Variants in FLVCR2 observed in about 807,000 individuals in gnomAD.
The protein encoded by FLVCR2 is choline/ethanolamine transporter FLVCR2.
FLVCR2 carries 38 observed loss-of-function variants against 48.9 expected under a neutral mutation model. The observed-to-expected ratio is 0.78, with a 90% CI of 0.60 to 1.02. The LOEUF (loss-of-function observed/expected upper bound fraction) is 1.02. Ranked by LOEUF, FLVCR2 falls within the 50% of genes least tolerant of loss-of-function variation. The pLI is 0.00. For synonymous variants in FLVCR2, 255 were observed against 257.0 expected, an observed-to-expected ratio of 0.99 and a Z score of 0.07; for missense variants, 664 against 663.3, an observed-to-expected ratio of 1.00 and a Z score of -0.01.
At chr14:75,599,813 G>T (rs1889119665) in intron 1 of FLVCR2, among the ~76,000 whole-genome samples, 2 of 152,300 alleles carry the variant, frequency 1.3e-5, no homozygotes, top group African/African-American at 4.8e-5. Flanking sequence ...TTGTGTATGT[G>T]GTCAAATGAT....
chr14:75,609,905 A>AGATGGG (rs1287760995), intron 1 of FLVCR2, among the ~76,000 whole-genome samples: 1 of 145,090 alleles, frequency 6.9e-6, no homozygotes, highest in Non-Finnish European at 1.5e-5. Flanking sequence ...TGGGGGGGAT[A>AGATGGG]GATGGGGGGT....
intron 6 of FLVCR2, 116 bp downstream of exon 6, chr14:75,639,578 A>G (rs1890257382): frequency 1.3e-6 from 1 of 769,300 alleles, no homozygotes; most frequent in Admixed American, 2.0e-5. Context: ...ACCTCAGGAG[A>G]TATGGACATG....
At chr14:75,590,906 A>G (rs1888862767) in intron 1 of FLVCR2, among the ~76,000 whole-genome samples, 1 of 152,380 alleles carries the variant, frequency 6.6e-6, no homozygotes, top group Non-Finnish European at 1.5e-5. Context: ...ATGGAATAAT[A>G]CACTTGTTTC....
At chr14:75,582,457 G>A (rs1332436174) in intron 1 of FLVCR2, among the ~76,000 whole-genome samples, 5 of 152,190 alleles carry the variant, frequency 3.3e-5, no homozygotes. Context: ...ATAGATTTTG[G>A]AAGTTATGAG....
chr14:75,587,429 A>C (rs1259241990), intron 1 of FLVCR2, among the ~76,000 whole-genome samples: 4 of 152,108 alleles, frequency 2.6e-5, no homozygotes, highest in Non-Finnish European at 5.9e-5. Context: ...AGGGCCTAAC[A>C]CTTGTCTTCT....
At chr14:75,631,115 A>G (rs1890027599) in intron 3 of FLVCR2, among the ~76,000 whole-genome samples, 1 of 152,296 alleles carries the variant, frequency 6.6e-6, no homozygotes, top group African/African-American at 2.4e-5. Context: ...AAGCTCCTAA[A>G]TCCTCTAAGG....
Position 75,578,790 on chromosome 14 carries a change from G to T in FLVCR2, c.-183G>T. The T allele has an allele frequency of 1.6e-6, 1 of 636,612 alleles. No individual in the cohort carries two copies. Among genetic ancestry groups the T allele is most frequent in the South Asian group, 1.9e-5 (1 of 52,690 alleles). 39.4% of individuals were successfully genotyped at this position (636,612 alleles called of 1,614,324 possible). ...CAACAGAGAGCCCCAAGCAAAAGTG[G>T]GAGCAGGAGCTTGGAGGTGAGCACA... On this transcript the variant is annotated 5_prime_UTR_variant, in exon 1 of 10. Coordinates refer to ENST00000238667, the MANE Select transcript of FLVCR2 (RefSeq NM_017791.3).
chr14:75,619,544 T>C (rs1227816893), intron 1 of FLVCR2, among the ~76,000 whole-genome samples: 2 of 151,966 alleles, frequency 1.3e-5, no homozygotes, highest in Non-Finnish European at 2.9e-5. Flanking sequence ...CAGACCTATA[T>C]ACTAGGAACT....
At chr14:75,583,385 C>T (rs1241891240) in intron 1 of FLVCR2, among the ~76,000 whole-genome samples, 1 of 152,090 alleles carries the variant, frequency 6.6e-6, no homozygotes, top group Admixed American at 6.5e-5. Flanking sequence ...TGATAACAGG[C>T]TTTAATCCTT....
intron 1 of FLVCR2, among the ~76,000 whole-genome samples, chr14:75,593,499 T>C (rs1321883703): frequency 6.6e-6 from 1 of 152,178 alleles, no homozygotes; most frequent in Non-Finnish European, 1.5e-5. Context: ...AACAACCCAC[T>C]ATCATGGGAA....
intron 1 of FLVCR2, among the ~76,000 whole-genome samples, chr14:75,587,075 T>C (rs1458734132): frequency 6.6e-6 from 1 of 152,180 alleles, no homozygotes; most frequent in African/African-American, 2.4e-5. Context: ...GAAGCTAATA[T>C]CTATTAAATA....
At chr14:75,632,864 A>G in intron 3 of FLVCR2, 1 of 702,376 alleles carries the variant, frequency 1.4e-6, no homozygotes, top group Non-Finnish European at 2.6e-6. Context: ...GAGTTGTCAT[A>G]AAGTGTCTAA....
chr14:75,604,550 C>T (rs1889243127), intron 1 of FLVCR2, among the ~76,000 whole-genome samples: 1 of 144,192 alleles, frequency 6.9e-6, no homozygotes, highest in Admixed American at 6.8e-5. Flanking sequence ...TAGTAAGATC[C>T]CTGTCTCTAC....
chr14:75,633,894 C>T (rs951641411), intron 4 of FLVCR2, among the ~76,000 whole-genome samples, 198 bp downstream of exon 4: 6 of 151,240 alleles, frequency 4.0e-5, no homozygotes, highest in South Asian at 2.1e-4. Context: ...TGTGTGATGG[C>T]TTGACAGTGT....
At chr14:75,585,130 G>A (rs1443654801) in intron 1 of FLVCR2, among the ~76,000 whole-genome samples, 1 of 152,146 alleles carries the variant, frequency 6.6e-6, no homozygotes, top group Non-Finnish European at 1.5e-5. Context: ...TGAGTCTGTA[G>A]AAAAGGAGAA....
rs1258826632 is a variant in FLVCR2 at position 75,618,241 on chromosome 14, C to T, written c.670-3838C>T. Among the ~76,000 whole-genome samples the T allele has an allele frequency of 3.3e-5, 5 of 152,214 alleles. No individual in the cohort carries two copies. The East Asian group carries it at 7.7e-4, about 24-fold the overall frequency. On this transcript the variant is annotated intron_variant, in intron 1 of 9. Transcript: ENST00000238667. ...GGCATGAGTCATACTTTTTCAGAGG[C>T]CAGTATCTCCCCAACTCCCTTGATG...
intron 1 of FLVCR2, among the ~76,000 whole-genome samples, chr14:75,591,188 C>G (rs959938696): frequency 2.6e-5 from 4 of 152,174 alleles, no homozygotes; most frequent in Non-Finnish European, 5.9e-5. Flanking sequence ...GAACCACAGG[C>G]CATGTCACCA....
intron 1 of FLVCR2, among the ~76,000 whole-genome samples, chr14:75,603,796 C>A (rs546758264): frequency 6.6e-6 from 1 of 152,294 alleles, no homozygotes; most frequent in South Asian, 2.1e-4. Context: ...AGCTCCTGTG[C>A]CCGCTTGCCT....
intron 1 of FLVCR2, among the ~76,000 whole-genome samples, chr14:75,618,866 C>A (rs1889682335): frequency 6.6e-6 from 1 of 150,776 alleles, no homozygotes; most frequent in East Asian, 1.9e-4. Flanking sequence ...TGACCCTGGG[C>A]AGGGTGCTGA....
Sources: gnomAD v4.1 joint callset for allele counts (sites outside exome capture counted in the v4.1 genomes callset) on GRCh38, gnomAD v4.1.1 for gene constraint, MANE v1.5 for transcripts, NCBI Gene and HGNC (gene_info 2026-07-23, HGNC 2026-07-21) for gene names.